The following HS2ST1 variants were observed in gnomAD, a reference collection of about 807,000 sequenced individuals.
HS2ST1 encodes the protein 2-O-sulfotransferase.
In HS2ST1, 18 loss-of-function variants were observed where a neutral mutation model predicts 42.9. The observed-to-expected ratio is 0.42, with a 90% CI of 0.29 to 0.62. The LOEUF (loss-of-function observed/expected upper bound fraction) is 0.62. HS2ST1 is among the 20% of genes least tolerant of loss of function. The pLI is 0.21. For missense variants in HS2ST1, 334 were observed against 433.8 expected (o/e 0.77, Z 2.04); for synonymous variants, 146 against 152.9 (o/e 0.95, Z 0.33).
chr1:87,072,842 T>C, intron 1 of HS2ST1, 92 bp from the exon 2 acceptor site: 2 of 882,662 alleles, frequency 2.3e-6, no homozygotes, highest in Non-Finnish European at 3.5e-6. Context: ...TTTTCTTTTT[T>C]GTATCTTTTC....
At chr1:86,979,478 G>T (rs1324989462) in intron 1 of HS2ST1, among the ~76,000 whole-genome samples, 1 of 152,100 alleles carries the variant, frequency 6.6e-6, no homozygotes, top group Non-Finnish European at 1.5e-5. Flanking sequence ...TCGTATTGTT[G>T]TGTCTTTTTT....
chr1:86,966,284 C>T (rs1293357124), intron 1 of HS2ST1, among the ~76,000 whole-genome samples: 1 of 152,108 alleles, frequency 6.6e-6, no homozygotes. Flanking sequence ...TTGATGTACC[C>T]TGTAAATACT....
intron 1 of HS2ST1, among the ~76,000 whole-genome samples, chr1:86,915,716 G>A (rs1308440180): frequency 1.3e-5 from 2 of 152,232 alleles, no homozygotes; most frequent in African/African-American, 2.4e-5. Flanking sequence ...GGCAGCAAAG[G>A]ACCTTGTAAT....
intron 4 of HS2ST1, among the ~76,000 whole-genome samples, chr1:87,093,846 G>C (rs1428127555): frequency 6.7e-6 from 1 of 149,146 alleles, no homozygotes; most frequent in Admixed American, 6.6e-5. Context: ...GATGGGGGCA[G>C]TGGTTTTTTG....
chr1:87,003,278 T>C (rs962018361), intron 1 of HS2ST1, among the ~76,000 whole-genome samples: 3 of 100,634 alleles, frequency 3.0e-5, no homozygotes, highest in African/African-American at 9.0e-5. Context: ...TAGTTTAGGC[T>C]AAGATTCAGG....
intron 1 of HS2ST1, among the ~76,000 whole-genome samples, chr1:86,959,944 T>C (rs1647783986): frequency 6.6e-6 from 1 of 152,192 alleles, no homozygotes; most frequent in Non-Finnish European, 1.5e-5. Context: ...GCAAAGTTAT[T>C]CTAAAGTTTA....
At chr1:87,000,731 A>G (rs188950099) in intron 1 of HS2ST1, among the ~76,000 whole-genome samples, 225 of 152,352 alleles carry the variant, frequency 1.5e-3, no homozygotes, top group African/African-American at 5.0e-3. Flanking sequence ...ATAGGGCATG[A>G]CAGTCATTTA....
chr1:86,953,287 T>G (rs1437393329), intron 1 of HS2ST1, among the ~76,000 whole-genome samples: 1 of 152,232 alleles, frequency 6.6e-6, no homozygotes, highest in Non-Finnish European at 1.5e-5. Context: ...TCTATCAAGG[T>G]CACTTAAACT....
At chr1:87,013,205 G>C (rs1257151634) in intron 1 of HS2ST1, among the ~76,000 whole-genome samples, 1 of 152,232 alleles carries the variant, frequency 6.6e-6, no homozygotes, top group South Asian at 2.1e-4. Context: ...CCCTAGCAGA[G>C]GTTCTCTATG....
At chr1:87,021,281 C>G (rs1022493941) in intron 1 of HS2ST1, among the ~76,000 whole-genome samples, 1 of 152,156 alleles carries the variant, frequency 6.6e-6, no homozygotes, top group African/African-American at 2.4e-5. Context: ...AAGAAGTACG[C>G]AGTTTAGACC....
chr1:86,999,693 T>TC (rs35630628), intron 1 of HS2ST1, among the ~76,000 whole-genome samples: 3,590 of 151,680 alleles, frequency 0.024, 75 homozygotes, highest in African/African-American at 0.05. Flanking sequence ...AATTATGCTT[T>TC]CCCCCCCAAC....
At chr1:87,051,156 A>G (rs1014543661) in intron 1 of HS2ST1, among the ~76,000 whole-genome samples, 2 of 152,114 alleles carry the variant, frequency 1.3e-5, no homozygotes, top group African/African-American at 4.8e-5. Flanking sequence ...TCTTTCAGAG[A>G]AAGAAGTAGC....
At chr1:86,978,385 T>G (rs1327471749) in intron 1 of HS2ST1, among the ~76,000 whole-genome samples, 1 of 152,222 alleles carries the variant, frequency 6.6e-6, no homozygotes, top group Non-Finnish European at 1.5e-5. Context: ...AGAGACAAAT[T>G]CAGATATATC....
At chr1:86,941,797 A>G (rs1209861595) in intron 1 of HS2ST1, among the ~76,000 whole-genome samples, 2 of 152,076 alleles carry the variant, frequency 1.3e-5, no homozygotes, top group East Asian at 1.9e-4. Flanking sequence ...CAAAAAAACT[A>G]CAGCTATATC....
intron 1 of HS2ST1, among the ~76,000 whole-genome samples, chr1:87,042,376 A>G (rs1398129651): frequency 1.3e-5 from 2 of 152,106 alleles, no homozygotes; most frequent in Non-Finnish European, 1.5e-5. Context: ...TTGATGTCAT[A>G]GCCAACAAAT....
intron 1 of HS2ST1, among the ~76,000 whole-genome samples, chr1:86,940,521 A>C (rs560819957): frequency 1.2e-4 from 19 of 152,306 alleles, no homozygotes; most frequent in Admixed American, 1.2e-3. Context: ...TATTATTGTC[A>C]TATTCATTAG....
chr1:86,990,458 A>AT (rs1648910128), intron 1 of HS2ST1, among the ~76,000 whole-genome samples: 1 of 151,978 alleles, frequency 6.6e-6, no homozygotes, highest in Non-Finnish European at 1.5e-5. Flanking sequence ...TTAGCCAGTG[A>AT]TTTTTCCTAC....
At chr1:87,067,886 G>A (rs939077265) in intron 1 of HS2ST1, among the ~76,000 whole-genome samples, 2 of 152,122 alleles carry the variant, frequency 1.3e-5, no homozygotes, top group African/African-American at 4.8e-5. Context: ...CTAGATGTGT[G>A]GTGTTATTTC....
At chr1:87,071,442 A>G (rs1341552043) in intron 1 of HS2ST1, among the ~76,000 whole-genome samples, 1 of 152,188 alleles carries the variant, frequency 6.6e-6, no homozygotes, top group Admixed American at 6.6e-5. Context: ...TATATTTTTT[A>G]AAAGATAGCC....
Sources: allele counts gnomAD v4.1 joint callset (sites outside exome capture counted in the v4.1 genomes callset), GRCh38; gene constraint gnomAD v4.1.1; transcripts MANE v1.5; gene names NCBI Gene and HGNC (gene_info 2026-07-23, HGNC 2026-07-21).